The following FRMD4A variants were observed in gnomAD, a reference collection of about 807,000 sequenced individuals.
The protein encoded by FRMD4A is FERM domain-containing protein 4A.
FRMD4A carries 29 observed loss-of-function variants against 129.1 expected under a neutral mutation model. The ratio of observed to expected loss-of-function variants is 0.22; its 90% CI spans 0.17 to 0.31. The LOEUF is 0.31. Ranked by LOEUF, FRMD4A falls within the 10% of genes least tolerant of loss-of-function variation. The pLI, the probability that FRMD4A is intolerant of heterozygous loss-of-function variation, is 1.00. For missense variants in FRMD4A, 1,272 were observed against 1,375.8 expected (o/e 0.92, Z 1.19); for synonymous variants, 634 against 571.6 (o/e 1.11, Z -1.56).
intron 2 of FRMD4A, among the ~76,000 whole-genome samples, chr10:13,878,189 G>A (rs969126859): frequency 1.4e-5 from 2 of 142,796 alleles, no homozygotes; most frequent in Non-Finnish European, 3.0e-5. Context: ...AAAGCTTTCA[G>A]CAGGAGGTAA....
chr10:14,194,269 A>G, intron 2 of FRMD4A, among the ~76,000 whole-genome samples: 1 of 152,098 alleles, frequency 6.6e-6, no homozygotes, highest in Middle Eastern at 3.2e-3. Flanking sequence ...CGTCAGCCCT[A>G]CTACTTCTCA....
At chr10:13,785,271 T>C (rs2092826404) in intron 5 of FRMD4A, among the ~76,000 whole-genome samples, 2 of 152,218 alleles carry the variant, frequency 1.3e-5, no homozygotes, top group Non-Finnish European at 1.5e-5. Flanking sequence ...TCCACAGATA[T>C]CATTAGTACA....
chr10:14,258,248 T>C (rs1259906822), intron 2 of FRMD4A, among the ~76,000 whole-genome samples: 1 of 150,898 alleles, frequency 6.6e-6, no homozygotes, highest in African/African-American at 2.4e-5. Flanking sequence ...ATTTATTATA[T>C]TACATAATAA....
At chr10:14,247,444 C>T (rs1844281525) in intron 2 of FRMD4A, among the ~76,000 whole-genome samples, 1 of 152,162 alleles carries the variant, frequency 6.6e-6, no homozygotes, top group Non-Finnish European at 1.5e-5. Context: ...CATTAAAATT[C>T]TTGCCATTTC....
In FRMD4A at chr10:13,651,980, C is replaced by T; in HGVS notation, c.3051-6G>A. ...GTGAGTTTTCTGTTGCTTCTCTGAA[C>T]AAAGGAAAGCAGGAGGAGGAAGAGA... is the stretch of plus-strand genomic sequence containing the variant. On this transcript the variant is annotated splice_polypyrimidine_tract_variant and splice_region_variant and intron_variant, in intron 23 of 24. Coordinates refer to ENST00000357447, the MANE Select transcript of FRMD4A (RefSeq NM_018027.5). 6.5e-7 allele frequency: 1 copy of T among 1,535,112 alleles called. No homozygotes were observed. Among genetic ancestry groups the T allele is most frequent in the Non-Finnish European group, 9.0e-7 (1 of 1,108,096 alleles).
intron 2 of FRMD4A, among the ~76,000 whole-genome samples, chr10:14,168,436 G>A (rs947374219): frequency 1.3e-5 from 2 of 152,158 alleles, no homozygotes; most frequent in African/African-American, 2.4e-5. Flanking sequence ...TATTTGTCAT[G>A]AAAGCCTTTA....
At chr10:13,786,377 T>G (rs1401613971) in intron 5 of FRMD4A, among the ~76,000 whole-genome samples, 1 of 152,102 alleles carries the variant, frequency 6.6e-6, no homozygotes, top group Non-Finnish European at 1.5e-5. Flanking sequence ...GGCCAAGATG[T>G]GTGGATCAAC....
intron 2 of FRMD4A, among the ~76,000 whole-genome samples, chr10:13,870,382 G>A (rs72771092): frequency 0.27 from 40,609 of 152,142 alleles, 5,777 homozygotes; most frequent in East Asian, 0.39. Context: ...TCAAGAGTGG[G>A]CCACCTGGGA....
intron 2 of FRMD4A, among the ~76,000 whole-genome samples, chr10:14,163,368 C>G (rs1460159898): frequency 6.6e-6 from 1 of 152,172 alleles, no homozygotes; most frequent in Admixed American, 6.5e-5. Context: ...CTTTGAATAT[C>G]AATGTAGAGT....
chr10:14,188,469 T>C (rs930737266), intron 2 of FRMD4A, among the ~76,000 whole-genome samples: 6 of 152,216 alleles, frequency 3.9e-5, no homozygotes, highest in Admixed American at 2.0e-4. Flanking sequence ...CCAAACTCAT[T>C]ATCCAATCAT....
rs2080960647 is a variant in FRMD4A, at chr10:13,643,910, C to T, written c.*3128G>A. 1 of 152,544 alleles carries T rather than the reference C, an allele frequency of 6.6e-6. No individual in the cohort carries two copies. The highest frequency in any genetic ancestry group is 1.5e-5 in the Non-Finnish European group (1 of 68,002). 9.4% of individuals were successfully genotyped at this position (152,544 alleles called of 1,614,324 possible). A position where few individuals can be genotyped will look rare whatever the true frequency, so the allele number is the denominator to read the frequency against. ...AAAATCATTTTACATGCTCTACAGT[C>T]AGTTTCAGGAGCAACCTAATCTTTT... On this transcript the variant is annotated 3_prime_UTR_variant, in exon 25 of 25. Transcript: ENST00000357447.
At chr10:13,761,999 T>C (rs1451227105) in intron 7 of FRMD4A, among the ~76,000 whole-genome samples, 1 of 152,304 alleles carries the variant, frequency 6.6e-6, no homozygotes, top group Admixed American at 6.5e-5. Flanking sequence ...GAACTGTCGA[T>C]TTCTAGGGTC....
intron 2 of FRMD4A, among the ~76,000 whole-genome samples, chr10:13,913,575 A>G (rs1043953929): frequency 6.6e-6 from 1 of 152,156 alleles, no homozygotes; most frequent in African/African-American, 2.4e-5. Context: ...CATTCACATA[A>G]GGGTCCAGCC....
intron 2 of FRMD4A, among the ~76,000 whole-genome samples, chr10:14,162,078 T>C (rs1246931485): frequency 4.0e-5 from 6 of 151,618 alleles, no homozygotes; most frequent in Non-Finnish European, 8.8e-5. Flanking sequence ...CATGTCATCA[T>C]GTAATAAATA....
chr10:13,850,486 C>T (rs10796141), intron 3 of FRMD4A, among the ~76,000 whole-genome samples: 4 of 152,094 alleles, frequency 2.6e-5, no homozygotes, highest in East Asian at 3.9e-4. Flanking sequence ...CCGAGACTTA[C>T]GCAGGACGCA....
chr10:13,896,425 A>G (rs2094758905), intron 2 of FRMD4A, among the ~76,000 whole-genome samples: 1 of 152,174 alleles, frequency 6.6e-6, no homozygotes, highest in Non-Finnish European at 1.5e-5. Context: ...AGGAACAGAA[A>G]AACAAACACC....
Position 13,699,661 on chromosome 10 carries a change from G to A in FRMD4A, c.975+1679C>T, listed in dbSNP as rs2086614585. ...GGGGGTCTGCCGTCAAGGGGAACTG[G>A]CAGTGGGGTTCAGGAGCATTGCCCA... On this transcript the variant is annotated intron_variant, in intron 14 of 24. Coordinates refer to ENST00000357447, the MANE Select transcript of FRMD4A (RefSeq NM_018027.5). Among the ~76,000 whole-genome samples the A allele has an allele frequency of 3.9e-5, 6 of 152,060 alleles. No individual in the cohort carries two copies. In the South Asian group the frequency reaches 1.2e-3, roughly 32 times the overall value.
At chr10:13,650,569 A>T (rs192403669) in intron 24 of FRMD4A, among the ~76,000 whole-genome samples, 24 of 152,242 alleles carry the variant, frequency 1.6e-4, no homozygotes, top group Admixed American at 1.6e-3. Flanking sequence ...ACCGGGGGAG[A>T]AAAAGGCCAT....
At chr10:13,884,168 T>TGA (rs2094584254) in intron 2 of FRMD4A, among the ~76,000 whole-genome samples, 1 of 67,452 alleles carries the variant, frequency 1.5e-5, no homozygotes, top group Non-Finnish European at 3.0e-5. Context: ...ACACACACAC[T>TGA]CACACACTCA....
Sources: allele counts gnomAD v4.1 joint callset (sites outside exome capture counted in the v4.1 genomes callset), GRCh38; gene constraint gnomAD v4.1.1; transcripts MANE v1.5; gene names NCBI Gene and HGNC (gene_info 2026-07-23, HGNC 2026-07-21).